The following LRPPRC variants were observed in gnomAD, a reference collection of about 807,000 sequenced individuals.
The protein encoded by LRPPRC is leucine-rich PPR motif-containing protein, mitochondrial.
In LRPPRC, 120 loss-of-function variants were observed where a neutral mutation model predicts 180.3. The observed-to-expected ratio is 0.67, with a 90% confidence interval of 0.57 to 0.77. LRPPRC has a LOEUF of 0.77. LRPPRC is among the 30% of genes least tolerant of loss of function. LRPPRC has a pLI of 0.00. For synonymous variants in LRPPRC, 723 were observed against 600.0 expected (o/e 1.21, Z -3.00); for missense variants, 2,012 against 1,657.2 (o/e 1.21, Z -3.72).
At chr2:43,976,921 A>C in intron 5 of LRPPRC, 73 bp downstream of exon 5, 1 of 1,254,004 alleles carries the variant, frequency 8.0e-7, no homozygotes, top group Non-Finnish European at 1.2e-6. Context: ...GCTTTAAAAC[A>C]AAGAGTGAAC....
In LRPPRC at chr2:43,995,571, G is replaced by A. The variant is rs532197086; in HGVS notation, c.149+228C>T. Among the ~76,000 whole-genome samples, 9 of 152,338 alleles carry A rather than the reference G, an allele frequency of 5.9e-5. No homozygotes were observed. In the South Asian group the frequency reaches 1.5e-3, roughly 25 times the overall value. The stretch of plus-strand genomic sequence containing the variant: ...GTCCAGGCTGAAGTGGCGGGGGCAG[G>A]ATTCAAGCCGGAGGCAGGCCATGCC... On this transcript the variant is annotated intron_variant, in intron 1 of 37. Transcript: ENST00000260665.
chr2:43,888,380 C>T lies in LRPPRC; in HGVS notation c.*220G>A, dbSNP rs1474299169. The T allele has an allele frequency of 4.2e-6, 2 of 471,110 alleles. No homozygotes were observed. The highest frequency in any genetic ancestry group is 8.0e-5 in the East Asian group (2 of 24,858). The allele number at this position is 471,110 out of a possible 1,614,324, so 29.2% of individuals were successfully genotyped here. A position where few individuals can be genotyped will look rare whatever the true frequency, so the allele number is the denominator to read the frequency against. On this transcript the variant is annotated 3_prime_UTR_variant, in exon 38 of 38. Coordinates refer to ENST00000260665, the MANE Select transcript of LRPPRC (RefSeq NM_133259.4). ...AAAGTATGGCTTCACACAGCAGCAG[C>T]ATTGAAGAAAACACTATCGATTTTT...
intron 35 of LRPPRC, 67 bp from the exon 36 acceptor site, chr2:43,894,696 A>C (rs576246435): frequency 4.4e-5 from 35 of 798,950 alleles, no homozygotes; most frequent in African/African-American, 3.7e-4. Flanking sequence ...ACACTGACAA[A>C]TCAACACTAT....
chr2:43,936,379 G>C (rs374096855), intron 23 of LRPPRC, among the ~76,000 whole-genome samples: 60 of 152,350 alleles, frequency 3.9e-4, no homozygotes, highest in African/African-American at 1.2e-3. Flanking sequence ...TGAAAAGAGA[G>C]TATGAAAGGT....
intron 35 of LRPPRC, 110 bp downstream of exon 35, chr2:43,896,524 A>G: frequency 1.4e-6 from 1 of 712,762 alleles, no homozygotes; most frequent in Non-Finnish European, 2.4e-6. Flanking sequence ...TTGAATCTCT[A>G]TAGTATTCTC....
Position 43,952,933 on chromosome 2 carries a change from A to C in LRPPRC, c.1650-2333T>G, listed in dbSNP as rs371485998. On this transcript the variant is annotated intron_variant, in intron 14 of 37. Transcript: ENST00000260665. ...TCAATGGCTCGAAGCCATGTGACTCAAGGTCCAAATATCCTAACTTAGAAT... is the reference window on the plus strand; with the variant it reads ...TCAATGGCTCGAAGCCATGTGACTCCAGGTCCAAATATCCTAACTTAGAAT... 1.2e-4 allele frequency among the ~76,000 whole-genome samples: 18 copies of C among 152,310 alleles called. No homozygotes were observed. In the East Asian group the frequency reaches 3.3e-3, roughly 28 times the overall value.
In LRPPRC at chr2:43,894,530, T is replaced by C. The variant is rs1670611916; in HGVS notation, c.3985+15A>G. 8.2e-7 allele frequency: 1 copy of C among 1,215,048 alleles called. No individual in the cohort carries two copies. Among genetic ancestry groups the C allele is most frequent in the African/African-American group, 1.5e-5 (1 of 67,268 alleles). 75.3% of individuals were successfully genotyped at this position (1,215,048 alleles called of 1,614,324 possible). A position where few individuals can be genotyped will look rare whatever the true frequency, so the allele number is the denominator to read the frequency against. ...CATTTAAATAAATAATATAGTCAAATTAAACTTATATTACCATAGCTTTTC... is the reference window on the plus strand; with the variant it reads ...CATTTAAATAAATAATATAGTCAAACTAAACTTATATTACCATAGCTTTTC... On this transcript the variant is annotated intron_variant, in intron 36 of 37. Transcript: ENST00000260665.
chr2:43,947,484 T>C (rs768773053), intron 19 of LRPPRC, 114 bp from the exon 20 acceptor site: 8 of 687,650 alleles, frequency 1.2e-5, no homozygotes, highest in Non-Finnish European at 2.1e-5. Context: ...ATGTCATAAA[T>C]GCTATCAGGG....
At chr2:43,963,211 G>A (rs1019316860) in intron 12 of LRPPRC, among the ~76,000 whole-genome samples, 5 of 152,198 alleles carry the variant, frequency 3.3e-5, no homozygotes, top group Non-Finnish European at 5.9e-5. Flanking sequence ...ATGAGAGGCT[G>A]AGGCAGGTGG....
Position 43,950,608 on chromosome 2 carries a change from G to T in LRPPRC, c.1650-8C>A. The T allele has an allele frequency of 6.2e-7, 1 of 1,612,276 alleles. No individual in the cohort carries two copies. Among genetic ancestry groups the T allele is most frequent in the South Asian group, 1.1e-5 (1 of 91,038 alleles). ...AGATTTATATTCATAGACCTGCAGA[G>T]GGCAGCAAAGGATCGAAAATAAACC... is the stretch of plus-strand genomic sequence containing the variant. On this transcript the variant is annotated splice_polypyrimidine_tract_variant and splice_region_variant and intron_variant, in intron 14 of 37. Transcript: ENST00000260665.
chr2:43,943,988 AAT>A, intron 22 of LRPPRC, 94 bp from the exon 23 acceptor site: 5 of 863,360 alleles, frequency 5.8e-6, no homozygotes, highest in Non-Finnish European at 7.8e-6. Flanking sequence ...CAGGAATGTA[AAT>A]TCTAGTGTAT....
At chr2:43,949,579 A>C in intron 16 of LRPPRC, 23 bp downstream of exon 16, 1 of 1,598,904 alleles carries the variant, frequency 6.3e-7, no homozygotes, top group South Asian at 1.1e-5. Context: ...GATAAGTTAC[A>C]ATCATCGAAA....
Position 43,889,784 on chromosome 2 carries a change from C to T in LRPPRC, c.4078G>A (p.Ala1360Thr), listed in dbSNP as rs147302249. Residue 1360 changes from alanine to threonine, a missense_variant, in exon 37 of 38, where the codon GCA (alanine) becomes ACA (threonine). Transcript: ENST00000260665. The stretch of plus-strand genomic sequence containing the variant: ...TCTCCAGCATACTTCAGCAAAGATG[C>T]GTAACGCTTTAGAAACAGATCATCC... ...KLDDLFLKRY[A>T]SLLKYAGEPV... The T allele has an allele frequency of 5.0e-4, 803 of 1,611,854 alleles. 8 individuals are homozygous for T. In the East Asian group the frequency reaches 0.016, roughly 32 times the overall value.
At chr2:43,975,238 C>G (rs1434603447) in intron 6 of LRPPRC, 21 bp from the exon 7 acceptor site, 1 of 1,607,976 alleles carries the variant, frequency 6.2e-7, no homozygotes, top group Non-Finnish European at 8.5e-7. Context: ...ATTCAAAAAA[C>G]AGATTATTAT....
intron 25 of LRPPRC, among the ~76,000 whole-genome samples, chr2:43,933,389 C>T (rs1195060781): frequency 1.3e-5 from 2 of 152,090 alleles, no homozygotes; most frequent in African/African-American, 4.8e-5. Context: ...TTTTGGAAAA[C>T]GACATTGACC....
intron 35 of LRPPRC, among the ~76,000 whole-genome samples, chr2:43,896,005 C>A (rs1198948207): frequency 6.6e-6 from 1 of 151,872 alleles, no homozygotes; most frequent in Non-Finnish European, 1.5e-5. Flanking sequence ...AGTAACTGCA[C>A]AAATTAGAAT....
chr2:43,991,037 T>A (rs1018162691), intron 1 of LRPPRC, among the ~76,000 whole-genome samples: 2 of 150,666 alleles, frequency 1.3e-5, no homozygotes, highest in Middle Eastern at 3.4e-3. Flanking sequence ...CTTTTATTTT[T>A]TTTTTTTTTT....
At chr2:43,893,636 A>G (rs566272344) in intron 36 of LRPPRC, among the ~76,000 whole-genome samples, 2 of 152,358 alleles carry the variant, frequency 1.3e-5, no homozygotes, top group African/African-American at 2.4e-5. Context: ...TAACTTTTAT[A>G]TGCACTGGGA....
intron 1 of LRPPRC, among the ~76,000 whole-genome samples, chr2:43,991,247 G>T (rs975105776): frequency 9.9e-5 from 15 of 152,094 alleles, no homozygotes; most frequent in African/African-American, 3.1e-4. Flanking sequence ...GGCCAGGCTG[G>T]TCTCAAACTC....
Sources: allele counts gnomAD v4.1 joint callset (sites outside exome capture counted in the v4.1 genomes callset), GRCh38; gene constraint gnomAD v4.1.1; transcripts MANE v1.5; gene names NCBI Gene and HGNC (gene_info 2026-07-23, HGNC 2026-07-21).